Variants in TTN observed in about 807,000 individuals in gnomAD.
TTN encodes connectin.
Under a neutral mutation model 3,223.0 loss-of-function variants are expected in TTN, and 1,525 were observed. That is an observed-to-expected ratio of 0.47 (90% CI 0.45 to 0.49). The LOEUF (loss-of-function observed/expected upper bound fraction) is 0.49. TTN is among the 20% of genes least tolerant of loss of function. The pLI, the probability that TTN is intolerant of heterozygous loss-of-function variation, is 0.00. For missense variants in TTN, 40,786 were observed against 43,424.0 expected, an observed-to-expected ratio of 0.94 and a Z score of 5.40; for synonymous variants, 14,094 against 15,161.0, an observed-to-expected ratio of 0.93 and a Z score of 5.17.
rs760102226 is a variant in TTN at position 178,551,691 on chromosome 2, A to C, written c.91209T>G (p.Asn30403Lys). The change falls in exon 335 of 363, where the codon AAT becomes AAG. Residue 30403 changes from asparagine (N) to lysine (K), a missense_variant. By Grantham distance (94) the Asn-to-Lys change is moderately conservative. Coordinates refer to ENST00000589042, the MANE Select transcript of TTN (RefSeq NM_001267550.2). ...CACTAGGTGAGCTTAGGCCAGCAGA[A>C]TTTTCAGCATATACACGGAATTGGT... Reference protein sequence around the residue: ...LDYQFRVYAENSAGLSSPSDP... With the variant: ...LDYQFRVYAEKSAGLSSPSDP... 1 of 1,612,212 alleles carries C rather than the reference A, an allele frequency of 6.2e-7. No homozygotes were observed. The highest frequency in any genetic ancestry group is 8.5e-7 in the Non-Finnish European group (1 of 1,178,718).
chr2:178,533,652 G>GTTGA lies in TTN; in HGVS notation c.102959_102962dup (p.Ser34322GlnfsTer7), dbSNP rs1559028171. ...CAGCGTCATCATCTGTAGTGACACT[G>GTTGA]TTGATTGTTAATTGGTAAAGACCCT... On this transcript the variant is annotated frameshift_variant, in exon 358 of 363. Transcript: ENST00000589042. LOFTEE classifies it high-confidence loss of function. The GTTGA allele has an allele frequency of 2.5e-6, 4 of 1,613,916 alleles. No individual in the cohort carries two copies. The highest frequency in any genetic ancestry group is 3.4e-6 in the Non-Finnish European group (4 of 1,179,850).
chr2:178,767,979 G>A (rs1170012878), intron 39 of TTN, 35 bp downstream of exon 39: 1 of 1,614,044 alleles, frequency 6.2e-7, no homozygotes, highest in African/African-American at 1.3e-5. Context: ...AGGAAACTGG[G>A]AATTACTGGA....
intron 44 of TTN, chr2:178,758,742 A>T: frequency 1.8e-6 from 1 of 544,186 alleles, no homozygotes; most frequent in Non-Finnish European, 3.3e-6. Flanking sequence ...TGACAGCAGC[A>T]ATACATTACA....
intron 47 of TTN, chr2:178,751,950 C>T (rs1043880345): frequency 1.9e-6 from 3 of 1,588,282 alleles, no homozygotes; most frequent in African/African-American, 1.4e-5. Flanking sequence ...CTTTTAGCAG[C>T]CATGGATTTG....
chr2:178,664,898 A>G lies in TTN; in HGVS notation c.36072T>C (p.Pro12024=), dbSNP rs1321454101. The change falls in exon 166 of 363, where the codon CCT becomes CCC. Residue 12024 remains proline (P), a synonymous_variant. Coordinates refer to ENST00000589042, the MANE Select transcript of TTN (RefSeq NM_001267550.2). Reference sequence around the variant, plus strand: ...TTTTTTTGGAAGGAACTGTCTTGGCAGGAATAATTTCTTGAGGAGCTTCGG... The same window carrying G: ...TTTTTTTGGAAGGAACTGTCTTGGCGGGAATAATTTCTTGAGGAGCTTCGG... ...KTPEAPQEII[P]AKTVPSKKRE... 5 of 1,610,690 alleles carry G rather than the reference A, an allele frequency of 3.1e-6. No individual in the cohort carries two copies. The highest frequency in any genetic ancestry group is 4.2e-6 in the Non-Finnish European group (5 of 1,179,196).
intron 100 of TTN, among the ~76,000 whole-genome samples, chr2:178,707,160 CAT>C (rs2076007542): frequency 1.3e-5 from 2 of 152,136 alleles, no homozygotes; most frequent in African/African-American, 4.8e-5. Flanking sequence ...GAACTATAAT[CAT>C]ATTAGTAGTG....
At position 178,554,892 on chromosome 2, in the gene TTN, A is replaced by G; in HGVS notation, c.88567T>C (p.Ser29523Pro). The change falls in exon 331 of 363, where the codon TCA (serine) becomes CCA (proline). Residue 29523 changes from serine (S) to proline (P), a missense_variant. Physicochemically the swap from Ser to Pro is moderately conservative, Grantham distance 74. Coordinates refer to ENST00000589042, the MANE Select transcript of TTN (RefSeq NM_001267550.2). The part of the protein sequence containing the change: ...LKLRNAMGSA[S>P]ATIRVQILDK... ...AGGATCTGTACTCTGATGGTGGCTGAGGCTGAGCCCATGGCATTCCTTAGT... is the reference window on the plus strand; with the variant it reads ...AGGATCTGTACTCTGATGGTGGCTGGGGCTGAGCCCATGGCATTCCTTAGT... The G allele has an allele frequency of 6.2e-7, 1 of 1,613,920 alleles. No individual in the cohort carries two copies. Among genetic ancestry groups the G allele is most frequent in the Non-Finnish European group, 8.5e-7 (1 of 1,179,848 alleles).
intron 143 of TTN, 35 bp from the exon 144 acceptor site, chr2:178,678,532 G>A (rs1452062595): frequency 2.0e-6 from 3 of 1,478,630 alleles, no homozygotes; most frequent in Non-Finnish European, 2.7e-6. Context: ...AATTTTATAC[G>A]ACATAAAAAT....
rs1271635080 is a variant in TTN at position 178,547,221 on chromosome 2, T to C, written c.94304A>G (p.Asp31435Gly). The change falls in exon 340 of 363, where the codon GAT (aspartate) becomes GGT (glycine). Residue 31435 changes from aspartate (D) to glycine (G), a missense_variant. Coordinates refer to ENST00000589042, the MANE Select transcript of TTN (RefSeq NM_001267550.2). ...GTAGCCAATGATTTTACTGCCACCA[T>C]CGTGGTAGGGTTCTTCCCAACGAAT... Reference protein sequence around the residue: ...MSIRWEEPYHDGGSKIIGYWV... With the variant: ...MSIRWEEPYHGGGSKIIGYWV... 10 of 1,613,852 alleles carry C rather than the reference T, an allele frequency of 6.2e-6. No individual in the cohort carries two copies. Among genetic ancestry groups the C allele is most frequent in the Non-Finnish European group, 8.5e-6 (10 of 1,179,768 alleles).
Position 178,592,168 on chromosome 2 carries a change from A to G in TTN, c.59736T>C (p.Tyr19912=), listed in dbSNP as rs184969946. The G allele has an allele frequency of 2.0e-5, 33 of 1,612,826 alleles. No homozygotes were observed. In the African/African-American group the frequency reaches 3.5e-4, roughly 17 times the overall value. Residue 19912 remains tyrosine, a synonymous_variant, in exon 302 of 363, where the codon TAT becomes TAC. Coordinates refer to ENST00000589042, the MANE Select transcript of TTN (RefSeq NM_001267550.2). ...TGGCAACATCTCTCCTCTCAACCAC[A>G]TAATTGGTAATAACAGAACCACCAT... The part of the protein sequence containing the change: ...LDDGGSVITN[Y]VVERRDVASA...
In TTN at chr2:178,609,487, G is replaced by A. The variant is rs752852690; in HGVS notation, c.51823C>T (p.Pro17275Ser). 1.2e-5 allele frequency: 19 copies of A among 1,612,354 alleles called. No individual in the cohort carries two copies. Among genetic ancestry groups the A allele is most frequent in the Non-Finnish European group, 1.6e-5 (19 of 1,179,132 alleles). Residue 17275 changes from proline (P) to serine (S), a missense_variant, in exon 273 of 363, where the codon CCT becomes TCT. Transcript: ENST00000589042. ...IALDASISGS[P>S]YPTITWIKDE... ...TTTATCCATGTAATAGTTGGGTAAG[G>A]TGATCCAGAAATACTTGCATCAAGT...
rs377463445 is a variant in TTN at position 178,530,068 on chromosome 2, A to T, written c.106423T>A (p.Phe35475Ile). ...TCAGTCTTATGAATTTCTAAGAAGAACCCTCCCTTGTCTTCAGAGAGTTTA... is the reference window on the plus strand; with the variant it reads ...TCAGTCTTATGAATTTCTAAGAAGATCCCTCCCTTGTCTTCAGAGAGTTTA... The part of the protein sequence containing the change: ...KYKLSEDKGG[F>I]FLEIHKTDTS... Residue 35475 changes from phenylalanine to isoleucine, a missense_variant, in exon 359 of 363, where the codon TTC becomes ATC. Transcript: ENST00000589042. 7.9e-5 allele frequency: 127 copies of T among 1,611,124 alleles called. 5 individuals carry two copies. In the South Asian group the frequency reaches 1.4e-3, roughly 17 times the overall value.
chr2:178,600,730 T>C, intron 288 of TTN, 124 bp downstream of exon 288: 2 of 1,120,848 alleles, frequency 1.8e-6, no homozygotes, highest in Non-Finnish European at 2.7e-6. Flanking sequence ...TGTGCCCATG[T>C]CTACATTCAA....
Position 178,745,892 on chromosome 2 carries a change from CTG to C in TTN, c.11312-3973_11312-3972del. 2.5e-6 allele frequency: 4 copies of C among 1,611,990 alleles called. No homozygotes were observed. The highest frequency in any genetic ancestry group is 2.5e-6 in the Non-Finnish European group (3 of 1,178,886). On this transcript the variant is annotated intron_variant, in intron 47 of 362. Transcript: ENST00000589042. ...TTCCACCACCTGAAATTCAAAAAAA[CTG>C]TCTGTGTAGTTGCTCTTTAAGACCA...
chr2:178,533,432 T>G lies in TTN; in HGVS notation c.103183A>C (p.Lys34395Gln), dbSNP rs368320079. 1.2e-6 allele frequency: 2 copies of G among 1,613,932 alleles called. No homozygotes were observed. Among genetic ancestry groups the G allele is most frequent in the Non-Finnish European group, 1.7e-6 (2 of 1,179,862 alleles). Residue 34395 changes from lysine to glutamine, a missense_variant, in exon 358 of 363, where the codon AAA becomes CAA. Lys to Gln is a moderately conservative substitution (Grantham distance 53, BLOSUM62 1). Coordinates refer to ENST00000589042, the MANE Select transcript of TTN (RefSeq NM_001267550.2). ...RVSGIPPPTL[K>Q]WEKDGQPLSL... ...AGTGGCTGACCATCTTTCTCCCATT[T>G]TAATGTTGGTGGGGGGATGCCAGAC...
intron 359 of TTN, 132 bp from the exon 360 acceptor site, chr2:178,529,351 A>G (rs1165830858): frequency 3.3e-6 from 2 of 600,940 alleles, no homozygotes; most frequent in African/African-American, 3.8e-5. Flanking sequence ...GTAATACCTA[A>G]TACTTTCTCA....
intron 50 of TTN, 96 bp downstream of exon 50, chr2:178,735,415 T>C (rs1175539656): frequency 1.7e-6 from 2 of 1,176,064 alleles, no homozygotes; most frequent in South Asian, 2.0e-5. Flanking sequence ...ATTATTTTAA[T>C]AACAAAGTGT....
Position 178,756,468 on chromosome 2 carries a change from T to A in TTN, c.11008A>T (p.Thr3670Ser), listed in dbSNP as rs794729589. 1 of 1,613,834 alleles carries A rather than the reference T, an allele frequency of 6.2e-7. No homozygotes were observed. Residue 3670 changes from threonine to serine, a missense_variant, in exon 46 of 363, where the codon ACT becomes TCT. Thr to Ser is a moderately conservative substitution (Grantham distance 58). Transcript: ENST00000589042. Reference protein sequence around the residue: ...PKIFLHLQDVTVKCGDTAQFL... With the variant: ...PKIFLHLQDVSVKCGDTAQFL... The stretch of plus-strand genomic sequence containing the variant: ...TGAGCCGTGTCACCGCACTTTACAG[T>A]GACGTCCTGAAGATGCAGGAAAATC...
In TTN at chr2:178,740,191, T is replaced by A. The variant is rs1489563929; in HGVS notation, c.13042A>T (p.Asn4348Tyr). The A allele has an allele frequency of 6.2e-7, 1 of 1,613,400 alleles. No individual in the cohort carries two copies. The highest frequency in any genetic ancestry group is 2.2e-5 in the East Asian group (1 of 44,862). The change falls in exon 48 of 363, where the codon AAC (asparagine) becomes TAC (tyrosine). Residue 4348 changes from asparagine to tyrosine, a missense_variant. Transcript: ENST00000589042. ...QVLLKEEHSD[N>Y]VVMPPDQIIE... Reference sequence around the variant, plus strand: ...ATTTGGTCTGGGGGCATCACCACGTTGTCAGAATGCTCTTCTTTGAGCAGT... The same window carrying A: ...ATTTGGTCTGGGGGCATCACCACGTAGTCAGAATGCTCTTCTTTGAGCAGT...
Sources: gnomAD v4.1 joint callset for allele counts (sites outside exome capture counted in the v4.1 genomes callset) on GRCh38, gnomAD v4.1.1 for gene constraint, MANE v1.5 for transcripts, NCBI Gene and HGNC (gene_info 2026-07-23, HGNC 2026-07-21) for gene names.